POLK: variants seen among roughly 807,000 people sequenced by gnomAD.
POLK encodes polymerase (DNA directed) kappa.
In POLK, 76 loss-of-function variants were observed where a neutral mutation model predicts 94.0. The ratio of observed to expected loss-of-function variants is 0.81; its 90% CI spans 0.67 to 0.98. POLK has a LOEUF of 0.98. Among genes scored for constraint, POLK ranks in the 50% least tolerant of loss-of-function variants. The pLI is 0.00. For synonymous variants in POLK, 349 were observed against 325.4 expected (o/e 1.07, Z -0.78); for missense variants, 954 against 1,010.1 (o/e 0.94, Z 0.75).
chr5:75,534,745 T>C (rs1167554528), intron 1 of POLK: 1 of 152,244 alleles, frequency 6.6e-6, no homozygotes, highest in Non-Finnish European at 1.5e-5. Flanking sequence ...TTGTCTTTTT[T>C]GATCTTTGTT....
chr5:75,578,225 A>G (rs1206540983), intron 6 of POLK, among the ~76,000 whole-genome samples: 1 of 151,994 alleles, frequency 6.6e-6, no homozygotes, highest in Non-Finnish European at 1.5e-5. Context: ...GTGCAGTCTC[A>G]GCTCACTGCA....
Position 75,582,215 on chromosome 5 carries a change from G to A in POLK, c.934+767G>A, listed in dbSNP as rs960771071. 17 of 716,774 alleles carry A rather than the reference G, an allele frequency of 2.4e-5. No homozygotes were observed. The Admixed American group carries it at 8.8e-4, about 37-fold the overall frequency. The allele number at this position is 716,774 out of a possible 1,614,324, so 44.4% of individuals were successfully genotyped here. ...AAATTTACATATGTTGATAACCCAT[G>A]AGGCCATCACTGTCTCTTAACATAA... On this transcript the variant is annotated intron_variant, in intron 7 of 14. Coordinates refer to ENST00000241436, the Ensembl canonical transcript of POLK.
chr5:75,584,841 G>A lies in POLK; in HGVS notation c.1141G>A (p.Ala381Thr), dbSNP rs1373247798. ...ATGTACAGAACTTTACCAACAGAGG[G>A]CATTGCTTTCTCTCCTTTTCTCTGA... Residue 381 changes from alanine to threonine, a missense_variant, in exon 9 of 15, where the codon GCA becomes ACA. Ala to Thr is a moderately conservative substitution (Grantham distance 58). Coordinates refer to ENST00000241436, the Ensembl canonical transcript of POLK. 4 of 1,600,972 alleles carry A rather than the reference G, an allele frequency of 2.5e-6. No homozygotes were observed. The highest frequency in any genetic ancestry group is 3.4e-5 in the Admixed American group (2 of 59,696).
At chr5:75,511,404 A>G (rs1160907419), upstream of POLK, 8 of 1,545,736 alleles carry the variant, frequency 5.2e-6, no homozygotes, top group Non-Finnish European at 7.0e-6. Flanking sequence ...GCGAGGAAGG[A>G]GGACGAGCGG....
intron 4 of POLK, among the ~76,000 whole-genome samples, chr5:75,570,514 A>G (rs1227316194): frequency 6.6e-6 from 1 of 152,174 alleles, no homozygotes; most frequent in South Asian, 2.1e-4. Flanking sequence ...TTCCACAGAA[A>G]AGAAAAGGTT....
intron 3 of POLK, among the ~76,000 whole-genome samples, chr5:75,559,523 G>GTTTTTTTTTTTTT (rs775525619): frequency 1.8e-4 from 10 of 54,674 alleles, no homozygotes; most frequent in African/African-American, 6.6e-4. Flanking sequence ...GTTTTGTTTT[G>GTTTTTTTTTTTTT]TTTTTTTTTT....
intron 1 of POLK, among the ~76,000 whole-genome samples, chr5:75,526,475 T>A (rs1415356583): frequency 2.0e-5 from 3 of 152,034 alleles, no homozygotes; most frequent in Non-Finnish European, 4.4e-5. Flanking sequence ...CTTTTGTTTG[T>A]TTTGTTTGTC....
At chr5:75,528,828 G>A (rs1348285303) in intron 1 of POLK, among the ~76,000 whole-genome samples, 2 of 152,032 alleles carry the variant, frequency 1.3e-5, no homozygotes, top group Non-Finnish European at 2.9e-5. Flanking sequence ...AAAATAGAGA[G>A]AATTTAATGA....
At chr5:75,531,642 A>G (rs1219935507) in intron 1 of POLK, among the ~76,000 whole-genome samples, 1 of 151,930 alleles carries the variant, frequency 6.6e-6, no homozygotes, top group Admixed American at 6.6e-5. Flanking sequence ...AAAATACAAA[A>G]ATTAGCCAGG....
intron 6 of POLK, among the ~76,000 whole-genome samples, chr5:75,577,832 C>T (rs1055451090): frequency 3.3e-5 from 5 of 152,180 alleles, no homozygotes; most frequent in African/African-American, 1.2e-4. Flanking sequence ...AACTTCATTA[C>T]CTTATTTAAA....
At chr5:75,554,403 A>G (rs914414357) in intron 3 of POLK, among the ~76,000 whole-genome samples, 88 of 152,008 alleles carry the variant, frequency 5.8e-4, no homozygotes, top group African/African-American at 2.0e-3. Flanking sequence ...TTAATTTTGT[A>G]GTTTTTCCCA....
intron 10 of POLK, among the ~76,000 whole-genome samples, chr5:75,587,763 A>G (rs1036799795): frequency 4.6e-5 from 7 of 152,182 alleles, no homozygotes; most frequent in Non-Finnish European, 1.0e-4. Context: ...TCTACTAAAA[A>G]TACAAAAATC....
At chr5:75,511,835 T>C (rs1412992802) in exon 1 of POLK, 3 of 1,548,850 alleles carry the variant, frequency 1.9e-6, no homozygotes, top group Non-Finnish European at 2.6e-6. Context: ...GGGATGCAGC[T>C]GTGCTGCATT....
intron 6 of POLK, among the ~76,000 whole-genome samples, chr5:75,578,982 A>G (rs1240336344): frequency 6.6e-6 from 1 of 152,240 alleles, no homozygotes; most frequent in Non-Finnish European, 1.5e-5. Context: ...GATTATAAAG[A>G]TGTTTCTGTC....
chr5:75,526,332 C>G (rs1451681615), intron 1 of POLK, among the ~76,000 whole-genome samples: 1 of 151,972 alleles, frequency 6.6e-6, no homozygotes. Context: ...TTAGGAAGCT[C>G]TTATTTTCAG....
intron 10 of POLK, 133 bp downstream of exon 10, chr5:75,587,191 A>C: frequency 1.8e-6 from 1 of 554,200 alleles, no homozygotes; most frequent in Non-Finnish European, 3.2e-6. Context: ...TTAGTAGTTT[A>C]CACTCCCTGC....
exon 13 of POLK, chr5:75,596,400 T>C: frequency 6.2e-7 from 1 of 1,613,876 alleles, no homozygotes; most frequent in Non-Finnish European, 8.5e-7. Context: ...GTTTCTTTGA[T>C]AAAAAACGAT....
upstream of POLK, chr5:75,511,357 GC>G: frequency 1.3e-6 from 2 of 1,539,424 alleles, no homozygotes; most frequent in Non-Finnish European, 1.7e-6. Flanking sequence ...GACGAAGTCC[GC>G]CCGCCGCGCC....
intron 3 of POLK, among the ~76,000 whole-genome samples, chr5:75,565,247 T>C (rs1771210440): frequency 6.6e-6 from 1 of 152,154 alleles, no homozygotes; most frequent in African/African-American, 2.4e-5. Flanking sequence ...TTTATGTTCT[T>C]CTCTAAACTG....
Sources: gnomAD v4.1 joint callset for allele counts (sites outside exome capture counted in the v4.1 genomes callset) on GRCh38, gnomAD v4.1.1 for gene constraint, MANE v1.5 for transcripts, NCBI Gene and HGNC (gene_info 2026-07-23, HGNC 2026-07-21) for gene names.